Variants in RPUSD2 observed in about 807,000 individuals in gnomAD.
RPUSD2 encodes RNA pseudouridine synthase domain containing 2.
RPUSD2 carries 31 observed loss-of-function variants against 41.5 expected under a neutral mutation model. The ratio of observed to expected loss-of-function variants is 0.75; its 90% CI spans 0.56 to 1.01. The LOEUF (loss-of-function observed/expected upper bound fraction) is 1.01, where lower values mean the gene tolerates loss of function less well. RPUSD2 is among the 50% of genes least tolerant of loss of function. The pLI is 0.00. For missense variants in RPUSD2, 749 were observed against 724.7 expected, an observed-to-expected ratio of 1.03 and a Z score of -0.38; for synonymous variants, 305 against 289.7, an observed-to-expected ratio of 1.05 and a Z score of -0.54.
Position 40,569,743 on chromosome 15 carries a change from G to C in RPUSD2, c.406G>C (p.Glu136Gln). The C allele has an allele frequency of 6.2e-7, 1 of 1,603,536 alleles. No homozygotes were observed. Among genetic ancestry groups the C allele is most frequent in the South Asian group, 1.1e-5 (1 of 89,350 alleles). Reference sequence around the variant, plus strand: ...CTTTGCAGAAACCAGTTATTACTTCGAGGGCGGCCTGCGTAAGGTGCGGCC... The same window carrying C: ...CTTTGCAGAAACCAGTTATTACTTCCAGGGCGGCCTGCGTAAGGTGCGGCC... ...EHFAETSYYFEGGLRKVRPYY... is the reference protein window; with the variant it reads ...EHFAETSYYFQGGLRKVRPYY... The change falls in exon 1 of 3, where the codon GAG becomes CAG. Residue 136 changes from glutamate (E) to glutamine (Q), a missense_variant. Glu to Gln is a conservative substitution (Grantham distance 29, BLOSUM62 2). Coordinates refer to ENST00000315616, the MANE Select transcript of RPUSD2 (RefSeq NM_152260.3).
chr15:40,569,612 C>T lies in RPUSD2; in HGVS notation c.275C>T (p.Ala92Val). Residue 92 changes from alanine to valine, a missense_variant, in exon 1 of 3, where the codon GCA (alanine) becomes GTA (valine). Coordinates refer to ENST00000315616, the MANE Select transcript of RPUSD2 (RefSeq NM_152260.3). Reference protein sequence around the residue: ...APVGGEHPSAAAPGPGKHKKR... With the variant: ...APVGGEHPSAVAPGPGKHKKR... ...GTAGGCGGGGAGCATCCCTCGGCTG[C>T]AGCCCCAGGCCCGGGCAAGCATAAG... is the stretch of plus-strand genomic sequence containing the variant. 6.5e-7 allele frequency: 1 copy of T among 1,533,134 alleles called. No homozygotes were observed. Among genetic ancestry groups the T allele is most frequent in the Non-Finnish European group, 8.8e-7 (1 of 1,139,020 alleles). The allele number at this position is 1,533,134 out of a possible 1,614,324, so 95.0% of individuals were successfully genotyped here. A position where few individuals can be genotyped will look rare whatever the true frequency, so the allele number is the denominator to read the frequency against.
chr15:40,571,579 G>A, intron 1 of RPUSD2, 25 bp from the exon 2 acceptor site: 2 of 1,609,374 alleles, frequency 1.2e-6, no homozygotes, highest in Non-Finnish European at 1.7e-6. Context: ...TCCCTAGGCT[G>A]ACTTATTACC....
Position 40,569,939 on chromosome 15 carries a change from T to C in RPUSD2, c.602T>C (p.Leu201Pro), listed in dbSNP as rs1357485133. ...CCGGTGCAGGACCTCAACATCGTGC[T>C]CAAGGTGGAGTCCTGATGGGGCTGG... ...EKPVQDLNIV[L>P]KDNDFLRNTV... Residue 201 changes from leucine (L) to proline (P), a missense_variant, in exon 1 of 3, where the codon CTC (leucine) becomes CCC (proline). Leu to Pro is a moderately conservative substitution (Grantham distance 98, BLOSUM62 -3). Coordinates refer to ENST00000315616, the MANE Select transcript of RPUSD2 (RefSeq NM_152260.3). 1 of 1,544,704 alleles carries C rather than the reference T, an allele frequency of 6.5e-7. No individual in the cohort carries two copies. The highest frequency in any genetic ancestry group is 2.0e-5 in the Admixed American group (1 of 50,632).
At position 40,574,584 on chromosome 15, in the gene RPUSD2, G is replaced by C. The variant is rs1220729579; in HGVS notation, c.*323G>C. On this transcript the variant is annotated 3_prime_UTR_variant, in exon 3 of 3. Coordinates refer to ENST00000315616, the MANE Select transcript of RPUSD2 (RefSeq NM_152260.3). ...CATGGCTATAATCCTAGTACTTTGG[G>C]AGGTAGAAGTGAAAGGATCACTGGA... The C allele has an allele frequency of 1.6e-5, 3 of 193,440 alleles. No individual in the cohort carries two copies. The highest frequency in any genetic ancestry group is 1.4e-4 in the East Asian group (1 of 7,332). 12.0% of individuals were successfully genotyped at this position (193,440 alleles called of 1,614,324 possible).
rs771361112 is a variant in RPUSD2 at position 40,571,886 on chromosome 15, G to T, written c.889G>T (p.Val297Phe). ...AAVSERIHEQ[V>F]RDRQLEKEYV... The stretch of plus-strand genomic sequence containing the variant: ...AGTCTCTGAGAGAATTCACGAGCAG[G>T]TTCGGGACCGGCAGGTGAGTCAGGC... The change falls in exon 2 of 3, where the codon GTT (valine) becomes TTT (phenylalanine). Residue 297 changes from valine (V) to phenylalanine (F), a missense_variant. By Grantham distance (50) the Val-to-Phe change is conservative. Transcript: ENST00000315616. 6.2e-7 allele frequency: 1 copy of T among 1,613,362 alleles called. No individual in the cohort carries two copies. Among genetic ancestry groups the T allele is most frequent in the Non-Finnish European group, 8.5e-7 (1 of 1,179,456 alleles).
Position 40,573,835 on chromosome 15 carries a change from T to A in RPUSD2, c.1212T>A (p.Ile404=). The change falls in exon 3 of 3, where the codon ATT becomes ATA. Residue 404 remains isoleucine (I), a synonymous_variant. Coordinates refer to ENST00000315616, the MANE Select transcript of RPUSD2 (RefSeq NM_152260.3). ...WGPSRGRGGY[I]PKTNEELLRD... ...CTTCTCGAGGCCGGGGCGGCTACAT[T>A]CCCAAGACAAACGAGGAGTTGCTAC... 1 of 1,614,056 alleles carries A rather than the reference T, an allele frequency of 6.2e-7. No homozygotes were observed. Among genetic ancestry groups the A allele is most frequent in the Non-Finnish European group, 8.5e-7 (1 of 1,180,010 alleles).
chr15:40,570,995 TA>T (rs200749615), intron 1 of RPUSD2, among the ~76,000 whole-genome samples: 44 of 150,206 alleles, frequency 2.9e-4, no homozygotes, highest in African/African-American at 1.0e-3. Context: ...CTTGATTATT[TA>T]TTTTTTTTTT....
In RPUSD2 at chr15:40,571,771, A is replaced by G; in HGVS notation, c.774A>G (p.Leu258=). The G allele has an allele frequency of 1.2e-6, 2 of 1,614,210 alleles. No homozygotes were observed. Among genetic ancestry groups the G allele is most frequent in the Non-Finnish European group, 1.7e-6 (2 of 1,180,040 alleles). Reference sequence around the variant, plus strand: ...GACACAACACAGTTATCTTCATCCTAGGCAAGGAGCACCAACTCAAGGAGC... The same window carrying G: ...GACACAACACAGTTATCTTCATCCTGGGCAAGGAGCACCAACTCAAGGAGC... ...RFRHNTVIFI[L]GKEHQLKELH... Residue 258 remains leucine, a synonymous_variant, in exon 2 of 3, where the codon CTA becomes CTG. Transcript: ENST00000315616.
In RPUSD2 at chr15:40,574,412, T is replaced by A. The variant is rs1595902434; in HGVS notation, c.*151T>A. The A allele has an allele frequency of 1.2e-6, 1 of 864,820 alleles. No homozygotes were observed. The highest frequency in any genetic ancestry group is 2.6e-5 in the East Asian group (1 of 38,140). The allele number at this position is 864,820 out of a possible 1,614,324, so 53.6% of individuals were successfully genotyped here. Reference sequence around the variant, plus strand: ...GCTCATACTTGCTACCTCCTTCCAGTGGGAATTTGGAGACTTTTTGGTTTG... The same window carrying A: ...GCTCATACTTGCTACCTCCTTCCAGAGGGAATTTGGAGACTTTTTGGTTTG... On this transcript the variant is annotated 3_prime_UTR_variant, in exon 3 of 3. Transcript: ENST00000315616.
In RPUSD2 at chr15:40,569,766, G is replaced by C. The variant is rs34974852; in HGVS notation, c.429G>C (p.Arg143=). 1.4e-3 allele frequency: 2,184 copies of C among 1,610,440 alleles called. 22 individuals are homozygous for C. In the East Asian group the frequency reaches 0.028, roughly 20 times the overall value. The part of the protein sequence containing the change: ...YYFEGGLRKV[R]PYYFDFRTYC... ...TCGAGGGCGGCCTGCGTAAGGTGCG[G>C]CCCTATTACTTTGACTTCCGGACCT... is the stretch of plus-strand genomic sequence containing the variant. The change falls in exon 1 of 3, where the codon CGG becomes CGC. Residue 143 remains arginine (R), a synonymous_variant. Coordinates refer to ENST00000315616, the MANE Select transcript of RPUSD2 (RefSeq NM_152260.3).
chr15:40,573,972 G>T lies in RPUSD2; in HGVS notation c.1349G>T (p.Gly450Val), dbSNP rs989959732. ...TDSTAPSSEL[G>V]KDDLEELAAA... ...TCTACGGCCCCCTCCTCAGAGTTGGGCAAGGACGACCTGGAAGAGTTGGCT... is the reference window on the plus strand; with the variant it reads ...TCTACGGCCCCCTCCTCAGAGTTGGTCAAGGACGACCTGGAAGAGTTGGCT... Residue 450 changes from glycine to valine, a missense_variant, in exon 3 of 3, where the codon GGC becomes GTC. Physicochemically the swap from Gly to Val is moderately radical, Grantham distance 109. Transcript: ENST00000315616. 1.2e-6 allele frequency: 2 copies of T among 1,614,010 alleles called. No homozygotes were observed. The highest frequency in any genetic ancestry group is 1.3e-5 in the African/African-American group (1 of 74,932).
chr15:40,571,865 T>TC lies in RPUSD2; in HGVS notation c.869dup (p.Glu291Ter). 6.2e-7 allele frequency: 1 copy of TC among 1,614,104 alleles called. No individual in the cohort carries two copies. Among genetic ancestry groups the TC allele is most frequent in the Non-Finnish European group, 8.5e-7 (1 of 1,179,940 alleles). ...TATGTTTGCCAAGACAGCTGCAGTC[T>TC]CTGAGAGAATTCACGAGCAGGTTCG... On this transcript the variant is annotated frameshift_variant, in exon 2 of 3. Transcript: ENST00000315616. LOFTEE classifies it high-confidence loss of function.
chr15:40,571,612 T>G lies in RPUSD2; in HGVS notation c.615T>G (p.Asp205Glu). 6.2e-7 allele frequency: 1 copy of G among 1,614,016 alleles called. No individual in the cohort carries two copies. Among genetic ancestry groups the G allele is most frequent in the Non-Finnish European group, 8.5e-7 (1 of 1,179,892 alleles). ...QDLNIVLKDNDFLRNTVHRHE... is the reference protein window; with the variant it reads ...QDLNIVLKDNEFLRNTVHRHE... ...ACCTATGTCTTTGACAGGACAATGATTTCTTGCGGAACACAGTGCACAGGC... is the reference window on the plus strand; with the variant it reads ...ACCTATGTCTTTGACAGGACAATGAGTTCTTGCGGAACACAGTGCACAGGC... Residue 205 changes from aspartate (D) to glutamate (E), a missense_variant, in exon 2 of 3, where the codon GAT (aspartate) becomes GAG (glutamate). Asp to Glu is a conservative substitution (Grantham distance 45). Transcript: ENST00000315616.
rs773298967 is a variant in RPUSD2, at chr15:40,569,347, G to C, written c.10G>C (p.Asp4His). The C allele has an allele frequency of 6.1e-6, 9 of 1,478,294 alleles. No homozygotes were observed. In the African/African-American group the frequency reaches 1.1e-4, roughly 19 times the overall value. 91.6% of individuals were successfully genotyped at this position (1,478,294 alleles called of 1,614,324 possible). ...TGGGGGCAGCGTGGTTATGTGGCTG[G>C]ACCGCCGCGGATGGCTCAGGGTTCT... MWLDRRGWLRVLGH... is the reference protein window; with the variant it reads MWLHRRGWLRVLGH... The change falls in exon 1 of 3, where the codon GAC becomes CAC. Residue 4 changes from aspartate (D) to histidine (H), a missense_variant. Physicochemically the swap from Asp to His is moderately conservative, Grantham distance 81. Transcript: ENST00000315616.
chr15:40,570,724 C>A (rs1891117612), intron 1 of RPUSD2, among the ~76,000 whole-genome samples: 1 of 152,136 alleles, frequency 6.6e-6, no homozygotes, highest in South Asian at 2.1e-4. Flanking sequence ...ATTGATCAAT[C>A]GATTTGCGTC....
Position 40,569,804 on chromosome 15 carries a change from G to T in RPUSD2, c.467G>T (p.Arg156Leu), listed in dbSNP as rs1388314873. ...YFDFRTYCKG[R>L]WVGHSLLHVF... is the part of the protein sequence containing the mutation. Reference sequence around the variant, plus strand: ...GACTTCCGGACCTACTGCAAAGGTCGCTGGGTGGGCCACAGCTTGCTGCAC... The same window carrying T: ...GACTTCCGGACCTACTGCAAAGGTCTCTGGGTGGGCCACAGCTTGCTGCAC... The change falls in exon 1 of 3, where the codon CGC (arginine) becomes CTC (leucine). Residue 156 changes from arginine (R) to leucine (L), a missense_variant. Physicochemically the swap from Arg to Leu is moderately radical, Grantham distance 102. Transcript: ENST00000315616. The T allele has an allele frequency of 1.2e-6, 2 of 1,613,178 alleles. No individual in the cohort carries two copies. Among genetic ancestry groups the T allele is most frequent in the Non-Finnish European group, 1.7e-6 (2 of 1,179,760 alleles).
Position 40,569,372 on chromosome 15 carries a change from T to C in RPUSD2, c.35T>C (p.Leu12Pro). 1 of 1,514,598 alleles carries C rather than the reference T, an allele frequency of 6.6e-7. No individual in the cohort carries two copies. The highest frequency in any genetic ancestry group is 8.8e-7 in the Non-Finnish European group (1 of 1,136,674). 93.8% of individuals were successfully genotyped at this position (1,514,598 alleles called of 1,614,324 possible). A position where few individuals can be genotyped will look rare whatever the true frequency, so the allele number is the denominator to read the frequency against. Residue 12 changes from leucine to proline, a missense_variant, in exon 1 of 3, where the codon CTT becomes CCT. Leu to Pro is a moderately conservative substitution (Grantham distance 98). Coordinates refer to ENST00000315616, the MANE Select transcript of RPUSD2 (RefSeq NM_152260.3). Reference protein sequence around the residue: ...WLDRRGWLRVLGHWRYDLRRP... With the variant: ...WLDRRGWLRVPGHWRYDLRRP... ...GACCGCCGCGGATGGCTCAGGGTTCTTGGACATTGGCGCTACGACCTTAGG... is the reference window on the plus strand; with the variant it reads ...GACCGCCGCGGATGGCTCAGGGTTCCTGGACATTGGCGCTACGACCTTAGG...
rs1891195054 is a variant in RPUSD2 at position 40,573,784 on chromosome 15, C to T, written c.1161C>T (p.Pro387=). The T allele has an allele frequency of 3.7e-6, 6 of 1,614,228 alleles. No individual in the cohort carries two copies. The highest frequency in any genetic ancestry group is 4.2e-6 in the Non-Finnish European group (5 of 1,180,038). ...TGGGCCATCCCATTCTCAACGACCC[C>T]ATCTACAACTCAGTTGCCTGGGGTC... The part of the protein sequence containing the change: ...QFLGHPILND[P]IYNSVAWGPS... Residue 387 remains proline, a synonymous_variant, in exon 3 of 3, where the codon CCC becomes CCT. Transcript: ENST00000315616.
rs57939179 is a variant in RPUSD2 at position 40,571,127 on chromosome 15, G to A, written c.607-477G>A. Among the ~76,000 whole-genome samples, 623 of 152,086 alleles carry A rather than the reference G, an allele frequency of 4.1e-3. 5 individuals carry two copies. Among genetic ancestry groups the A allele is most frequent in the African/African-American group, 0.014 (601 of 41,496 alleles). On this transcript the variant is annotated intron_variant, in intron 1 of 2. Coordinates refer to ENST00000315616, the MANE Select transcript of RPUSD2 (RefSeq NM_152260.3). ...CCTGCCTCAGTCTCCCAAGTAGCTGGGATTACAGGCATGTGCCACCACGCC... is the reference window on the plus strand; with the variant it reads ...CCTGCCTCAGTCTCCCAAGTAGCTGAGATTACAGGCATGTGCCACCACGCC...
Sources: gnomAD v4.1 joint callset for allele counts (sites outside exome capture counted in the v4.1 genomes callset) on GRCh38, gnomAD v4.1.1 for gene constraint, MANE v1.5 for transcripts, NCBI Gene and HGNC (gene_info 2026-07-23, HGNC 2026-07-21) for gene names.